The following P4HA3 variants were observed in gnomAD, a reference collection of about 807,000 sequenced individuals.
P4HA3 encodes prolyl 4-hydroxylase subunit alpha 3, also known as prolyl 4-hydroxylase subunit alpha-3.
Under a neutral mutation model 66.7 loss-of-function variants are expected in P4HA3, and 60 were observed. That is an observed-to-expected ratio of 0.90 (90% CI 0.73 to 1.12). P4HA3 has a LOEUF of 1.12. P4HA3 is among the 50% of genes most tolerant of loss of function. The probability of loss-of-function intolerance (pLI) is 0.00; values close to 1 mark genes in which losing one functional copy is unlikely to be tolerated. For synonymous variants in P4HA3, 263 were observed against 274.6 expected (o/e 0.96, Z 0.42); for missense variants, 683 against 685.8 (o/e 1.00, Z 0.05).
chr11:74,261,860 A>C (rs1859912246), downstream of P4HA3, among the ~76,000 whole-genome samples: 1 of 152,210 alleles, frequency 6.6e-6, no homozygotes, highest in Non-Finnish European at 1.5e-5. Flanking sequence ...CCCACTGTGC[A>C]ACTGTTCCAA....
intron 8 of P4HA3, among the ~76,000 whole-genome samples, chr11:74,278,315 C>T (rs535514387): frequency 4.6e-5 from 7 of 152,054 alleles, no homozygotes; most frequent in African/African-American, 1.4e-4. Flanking sequence ...GAAGAAGTAA[C>T]GGGAGATACA....
intron 7 of P4HA3, 62 bp from the exon 8 acceptor site, chr11:74,279,514 C>T: frequency 6.8e-7 from 1 of 1,461,166 alleles, no homozygotes; most frequent in Non-Finnish European, 9.6e-7. Context: ...AGTTTTGTCA[C>T]TTCCACAGAC....
chr11:74,265,208 G>A (rs1173091070), downstream of P4HA3, among the ~76,000 whole-genome samples: 1 of 152,192 alleles, frequency 6.6e-6, no homozygotes, highest in Non-Finnish European at 1.5e-5. Flanking sequence ...CCTGCAGACA[G>A]TCGCTTTCTG....
At chr11:74,309,485 A>T (rs1565425263) in intron 1 of P4HA3, among the ~76,000 whole-genome samples, 1 of 151,992 alleles carries the variant, frequency 6.6e-6, no homozygotes, top group Admixed American at 6.6e-5. Flanking sequence ...TTGACCCCCC[A>T]CTCCCGTCTC....
intron 14 of P4HA3, among the ~76,000 whole-genome samples, chr11:74,260,405 G>A (rs1859888869): frequency 6.6e-6 from 1 of 152,188 alleles, no homozygotes; most frequent in South Asian, 2.1e-4. Flanking sequence ...TTTGTTGCAA[G>A]AGAGTAAAAA....
intron 7 of P4HA3, among the ~76,000 whole-genome samples, chr11:74,281,461 C>T (rs1402682579): frequency 6.6e-6 from 1 of 152,146 alleles, no homozygotes; most frequent in Non-Finnish European, 1.5e-5. Flanking sequence ...ATAGCAAAGA[C>T]TTGGAACCAA....
Position 74,298,924 on chromosome 11 carries a change from T to C in P4HA3, c.568-563A>G, listed in dbSNP as rs186290749. Among the ~76,000 whole-genome samples, 770 of 152,384 alleles carry C rather than the reference T, an allele frequency of 5.1e-3. 7 individuals carry two copies. The highest frequency in any genetic ancestry group is 0.018 in the African/African-American group (744 of 41,592). On this transcript the variant is annotated intron_variant, in intron 3 of 12. Transcript: ENST00000331597. The stretch of plus-strand genomic sequence containing the variant: ...AGCATGGGCTAAGCAAATTACAGTC[T>C]TGAATGTCATATTTTTAGGAAGATA...
intron 3 of P4HA3, among the ~76,000 whole-genome samples, chr11:74,299,218 G>A (rs1861322055): frequency 6.6e-6 from 1 of 152,146 alleles, no homozygotes; most frequent in Admixed American, 6.5e-5. Flanking sequence ...CACAGCTCCT[G>A]TCTCCTCATA....
At chr11:74,299,940 G>A (rs1466113160) in intron 3 of P4HA3, among the ~76,000 whole-genome samples, 1 of 152,100 alleles carries the variant, frequency 6.6e-6, no homozygotes, top group East Asian at 1.9e-4. Flanking sequence ...AGGAGAAAAG[G>A]TAGACCAGAA....
downstream of P4HA3, among the ~76,000 whole-genome samples, chr11:74,266,479 G>A (rs1401073352): frequency 3.9e-5 from 6 of 151,998 alleles, no homozygotes; most frequent in African/African-American, 1.5e-4. Context: ...ACAATCTATT[G>A]CATCTGTACT....
intron 7 of P4HA3, among the ~76,000 whole-genome samples, chr11:74,283,023 G>A (rs1026834442): frequency 6.6e-6 from 1 of 152,114 alleles, no homozygotes; most frequent in Non-Finnish European, 1.5e-5. Context: ...AGTGTGCTTT[G>A]GGAAAGGGAC....
intron 2 of P4HA3, among the ~76,000 whole-genome samples, chr11:74,303,233 G>C (rs1861468216): frequency 1.3e-5 from 2 of 151,426 alleles, no homozygotes; most frequent in African/African-American, 4.9e-5. Flanking sequence ...GAGATTATTG[G>C]CATGAGCAAC....
chr11:74,286,144 T>C, intron 6 of P4HA3, 84 bp downstream of exon 6: 1 of 1,529,266 alleles, frequency 6.5e-7, no homozygotes, highest in Non-Finnish European at 8.9e-7. Context: ...ATGCATCAGC[T>C]CTATCCCCTC....
At chr11:74,308,522 G>C (rs1193790892) in intron 1 of P4HA3, among the ~76,000 whole-genome samples, 1 of 152,186 alleles carries the variant, frequency 6.6e-6, no homozygotes, top group Non-Finnish European at 1.5e-5. Flanking sequence ...CTGGGTGACA[G>C]AGCAAGACCC....
At chr11:74,288,872 C>G (rs939640880) in intron 5 of P4HA3, among the ~76,000 whole-genome samples, 8 of 150,280 alleles carry the variant, frequency 5.3e-5, no homozygotes, top group African/African-American at 2.0e-4. Context: ...TCACTTGAAC[C>G]CAGGAGGCAG....
chr11:74,301,147 A>G (rs977139373), intron 3 of P4HA3, among the ~76,000 whole-genome samples: 4 of 152,014 alleles, frequency 2.6e-5, no homozygotes, highest in African/African-American at 9.7e-5. Flanking sequence ...TTTCTAATAT[A>G]TATTTTTAAA....
intron 2 of P4HA3, among the ~76,000 whole-genome samples, chr11:74,303,513 T>C (rs1277966731): frequency 2.0e-5 from 3 of 151,880 alleles, no homozygotes; most frequent in Non-Finnish European, 4.4e-5. Flanking sequence ...ACTCCTGAGC[T>C]CAAGCAATCT....
At chr11:74,299,684 C>T (rs374099992) in intron 3 of P4HA3, among the ~76,000 whole-genome samples, 2 of 124,310 alleles carry the variant, frequency 1.6e-5, no homozygotes, top group Non-Finnish European at 3.4e-5. Context: ...AAAAAAAAAA[C>T]AACAGAAAAT....
chr11:74,279,822 G>A (rs1860529240), intron 7 of P4HA3, among the ~76,000 whole-genome samples: 1 of 152,170 alleles, frequency 6.6e-6, no homozygotes. Context: ...CCAGGGTCAG[G>A]CACAGGGCCT....
Sources: gnomAD v4.1 joint callset for allele counts (sites outside exome capture counted in the v4.1 genomes callset) on GRCh38, gnomAD v4.1.1 for gene constraint, MANE v1.5 for transcripts, NCBI Gene and HGNC (gene_info 2026-07-23, HGNC 2026-07-21) for gene names.